EPS8: variants seen among roughly 807,000 people sequenced by gnomAD.
EPS8 encodes the protein epidermal growth factor receptor kinase substrate 8.
Under a neutral mutation model 103.8 loss-of-function variants are expected in EPS8, and 42 were observed. The observed-to-expected ratio is 0.40, with a 90% CI of 0.32 to 0.52. The LOEUF (loss-of-function observed/expected upper bound fraction) is 0.52. Ranked by LOEUF, EPS8 falls within the 20% of genes least tolerant of loss-of-function variation. The probability of loss-of-function intolerance (pLI) is 0.40; values close to 1 mark genes in which losing one functional copy is unlikely to be tolerated. For missense variants in EPS8, 969 were observed against 1,005.1 expected, an observed-to-expected ratio of 0.96 and a Z score of 0.49; for synonymous variants, 344 against 344.6, an observed-to-expected ratio of 1.00 and a Z score of 0.02.
At chr12:15,629,511 A>G (rs1446158193) in intron 18 of EPS8, among the ~76,000 whole-genome samples, 1 of 152,206 alleles carries the variant, frequency 6.6e-6, no homozygotes, top group African/African-American at 2.4e-5. Flanking sequence ...TCTTAAAACT[A>G]TGTCTTTAGT....
rs150255928 is a variant in EPS8, at chr12:15,666,450, C to A, written c.589G>T (p.Asp197Tyr). 6.2e-7 allele frequency: 1 copy of A among 1,613,018 alleles called. No individual in the cohort carries two copies. Among genetic ancestry groups the A allele is most frequent in the South Asian group, 1.1e-5 (1 of 91,018 alleles). ...SKGGKQKRRP[D>Y]ALRMISNADP... is the part of the protein sequence containing the mutation. ...TTTCAATGCTTTTACCTCAGGGCGT[C>A]GGGCCGCCTCTTCTGTTTCCCTCCT... The change falls in exon 7 of 21, where the codon GAC (aspartate) becomes TAC (tyrosine). Residue 197 changes from aspartate to tyrosine, a missense_variant. By Grantham distance (160) the Asp-to-Tyr change is radical. Transcript: ENST00000281172.
intron 3 of EPS8, among the ~76,000 whole-genome samples, chr12:15,677,808 C>T (rs961062701): frequency 6.6e-6 from 1 of 152,120 alleles, no homozygotes; most frequent in African/African-American, 2.4e-5. Flanking sequence ...ACATAGTGCC[C>T]TCCCTCTGAG....
At chr12:15,744,236 T>C (rs767403234) in intron 1 of EPS8, among the ~76,000 whole-genome samples, 2 of 152,180 alleles carry the variant, frequency 1.3e-5, no homozygotes, top group Non-Finnish European at 1.5e-5. Context: ...AACTTTCTTC[T>C]AGAGTGGAGC....
At chr12:15,664,480 C>A (rs1193720649) in intron 8 of EPS8, among the ~76,000 whole-genome samples, 1 of 152,068 alleles carries the variant, frequency 6.6e-6, no homozygotes, top group Non-Finnish European at 1.5e-5. Flanking sequence ...TAGGTACTAC[C>A]ATAAACATTA....
intron 8 of EPS8, among the ~76,000 whole-genome samples, chr12:15,663,844 C>G (rs1945649701): frequency 6.8e-6 from 1 of 147,252 alleles, no homozygotes; most frequent in South Asian, 2.2e-4. Flanking sequence ...ATCGCTTGAA[C>G]CAGGAGACAA....
chr12:15,642,394 A>G (rs1231141646), intron 15 of EPS8, among the ~76,000 whole-genome samples: 1 of 152,160 alleles, frequency 6.6e-6, no homozygotes, highest in Non-Finnish European at 1.5e-5. Flanking sequence ...GAGACTAGTA[A>G]CACTTGCAAA....
rs1023026892 is a variant in EPS8, at chr12:15,780,058, T to C, written c.-22+9103A>G. 1.3e-5 allele frequency: 2 copies of C among 152,154 alleles called. No individual in the cohort carries two copies. 9.4% of individuals were successfully genotyped at this position (152,154 alleles called of 1,614,324 possible). A position where few individuals can be genotyped will look rare whatever the true frequency, so the allele number is the denominator to read the frequency against. On this transcript the variant is annotated intron_variant, in intron 1 of 20. Transcript: ENST00000281172. The surrounding 1 kb of genome is among the most constrained non-coding windows in gnomAD (Gnocchi z 4.1). ...TATAATCACTTGAGTATCACAGGAC[T>C]GAAAAAGAACACATGAATTTGTTTG... is the stretch of plus-strand genomic sequence containing the variant.
At chr12:15,631,713 G>T in intron 17 of EPS8, 49 bp from the exon 18 acceptor site, 1 of 1,439,478 alleles carries the variant, frequency 6.9e-7, no homozygotes, top group South Asian at 1.3e-5. Flanking sequence ...TATAAACCTA[G>T]GCTAGGAAAA....
intron 8 of EPS8, chr12:15,662,800 C>G (rs1945628602): frequency 4.0e-6 from 1 of 248,448 alleles, no homozygotes; most frequent in African/African-American, 2.3e-5. Flanking sequence ...AGAGTTGTTA[C>G]AGATATCTCA....
At position 15,777,096 on chromosome 12, in the gene EPS8, T is replaced by C. The variant is rs1201860764; in HGVS notation, c.-22+12065A>G. Among the ~76,000 whole-genome samples, 2 of 152,148 alleles carry C rather than the reference T, an allele frequency of 1.3e-5. No individual in the cohort carries two copies. The highest frequency in any genetic ancestry group is 2.9e-5 in the Non-Finnish European group (2 of 68,012). On this transcript the variant is annotated intron_variant, in intron 1 of 20. Transcript: ENST00000281172. This position sits in a 1 kb window ranked among gnomAD's most constrained non-coding sequence, Gnocchi z 4.7. The stretch of plus-strand genomic sequence containing the variant: ...AATAGCTAGAGATAACAGATATAGA[T>C]GGAGGAAGGACATTGGAGGTAAGAT...
At position 15,748,113 on chromosome 12, in the gene EPS8, C is replaced by G. The variant is rs146070479; in HGVS notation, c.-22+41048G>C. Reference sequence around the variant, plus strand: ...CTATCAAAAGGTCTGTGCCAAGCCCCGCAACTTAATAACCCACAGTCAAAT... The same window carrying G: ...CTATCAAAAGGTCTGTGCCAAGCCCGGCAACTTAATAACCCACAGTCAAAT... On this transcript the variant is annotated intron_variant, in intron 1 of 20. Transcript: ENST00000281172. This position sits in a 1 kb window ranked among gnomAD's most constrained non-coding sequence, Gnocchi z 4.8. 1.2e-4 allele frequency among the ~76,000 whole-genome samples: 18 copies of G among 152,186 alleles called. No individual in the cohort carries two copies. In the East Asian group the frequency reaches 3.5e-3, roughly 29 times the overall value.
At chr12:15,671,308 G>A (rs951507622) in intron 3 of EPS8, among the ~76,000 whole-genome samples, 2 of 152,032 alleles carry the variant, frequency 1.3e-5, no homozygotes, top group Non-Finnish European at 2.9e-5. Context: ...AAATGTAATT[G>A]CAAATATTGT....
chr12:15,647,048 A>G (rs1945330290), intron 15 of EPS8, 79 bp downstream of exon 15: 2 of 1,376,972 alleles, frequency 1.5e-6, no homozygotes, highest in Admixed American at 2.2e-5. Context: ...AGTAGACAAT[A>G]CAGACACTGT....
At chr12:15,662,949 T>C (rs1275133261) in intron 8 of EPS8, among the ~76,000 whole-genome samples, 1 of 151,806 alleles carries the variant, frequency 6.6e-6, no homozygotes, top group Non-Finnish European at 1.5e-5. Context: ...CACTTTGTAT[T>C]GCTATTCTTC....
In EPS8 at chr12:15,748,917, C is replaced by T. The variant is rs571480059; in HGVS notation, c.-22+40244G>A. Among the ~76,000 whole-genome samples the T allele has an allele frequency of 3.8e-4, 58 of 152,272 alleles. 1 individual carries two copies. Among genetic ancestry groups the T allele is most frequent in the Non-Finnish European group, 7.4e-4 (50 of 68,014 alleles). On this transcript the variant is annotated intron_variant, in intron 1 of 20. Coordinates refer to ENST00000281172, the MANE Select transcript of EPS8 (RefSeq NM_004447.6). The surrounding 1 kb of genome is among the most constrained non-coding windows in gnomAD (Gnocchi z 4.8). ...TAATCCAGAATATAAAACGTATAGT[C>T]TTCTCTTCCTTTCATACCATAGAAC...
intron 8 of EPS8, chr12:15,662,407 T>C: frequency 9.4e-7 from 1 of 1,069,348 alleles, no homozygotes; most frequent in Non-Finnish European, 1.1e-6. Context: ...CTTAGCACCC[T>C]TTAATTCCTA....
chr12:15,689,326 A>G lies in EPS8; in HGVS notation c.-21-6354T>C, dbSNP rs193274153. ...TTTACTGAGAAAACTAGGATTAAAT[A>G]TATTTTTAATGCTAAATATCCTTTT... On this transcript the variant is annotated intron_variant, in intron 1 of 20. Transcript: ENST00000281172. Among the ~76,000 whole-genome samples, 299 of 132,130 alleles carry G rather than the reference A, an allele frequency of 2.3e-3. 1 individual carries two copies. Among genetic ancestry groups the G allele is most frequent in the South Asian group, 4.0e-3 (13 of 3,236 alleles). The allele number at this position is 132,130 out of a possible 152,430, so 86.7% of individuals were successfully genotyped here.
intron 1 of EPS8, among the ~76,000 whole-genome samples, chr12:15,768,521 AT>A (rs1947121339): frequency 6.6e-6 from 1 of 150,414 alleles, no homozygotes; most frequent in Non-Finnish European, 1.5e-5. Context: ...GGTGTGTAGT[AT>A]TTACTAAATA....
At chr12:15,631,806 G>A (rs998100932) in intron 17 of EPS8, 142 bp from the exon 18 acceptor site, 3 of 629,962 alleles carry the variant, frequency 4.8e-6, no homozygotes, top group Non-Finnish European at 8.3e-6. Flanking sequence ...AATCCTATAT[G>A]GTATAATGAC....
Sources: gnomAD v4.1 joint callset for allele counts (sites outside exome capture counted in the v4.1 genomes callset) on GRCh38, gnomAD v4.1.1 for gene constraint, Gnocchi (gnomAD v3.1) non-coding constraint, MANE v1.5 for transcripts, NCBI Gene and HGNC (gene_info 2026-07-23, HGNC 2026-07-21) for gene names.